Variants in CAMKMT observed in about 807,000 individuals in gnomAD.
CAMKMT encodes the protein CaM KMT.
A neutral mutation model predicts 48.0 loss-of-function variants in CAMKMT; 53 were observed. The ratio of observed to expected loss-of-function variants is 1.10; its 90% CI spans 0.89 to 1.39. CAMKMT has a LOEUF of 1.39. CAMKMT is among the 40% of genes most tolerant of loss of function. The pLI, the probability that CAMKMT is intolerant of heterozygous loss-of-function variation, is 0.00. For missense variants in CAMKMT, 428 were observed against 402.7 expected, an observed-to-expected ratio of 1.06 and a Z score of -0.54; for synonymous variants, 165 against 152.3, an observed-to-expected ratio of 1.08 and a Z score of -0.61.
At chr2:44,539,788 C>T (rs1271848753) in intron 3 of CAMKMT, among the ~76,000 whole-genome samples, 1 of 152,060 alleles carries the variant, frequency 6.6e-6, no homozygotes, top group Non-Finnish European at 1.5e-5. Context: ...GCACTTTTGG[C>T]AAGCATATTA....
intron 3 of CAMKMT, among the ~76,000 whole-genome samples, chr2:44,445,405 A>G (rs1290818263): frequency 6.6e-6 from 1 of 152,088 alleles, no homozygotes; most frequent in African/African-American, 2.4e-5. Context: ...GTAGCCATTC[A>G]TCTTCAGTTT....
chr2:44,674,995 C>G (rs762237173), intron 3 of CAMKMT, among the ~76,000 whole-genome samples: 3 of 151,810 alleles, frequency 2.0e-5, no homozygotes, highest in Admixed American at 6.6e-5. Flanking sequence ...CTTGATCCTT[C>G]TCTCTATTGC....
chr2:44,531,423 G>C (rs1369639652), intron 3 of CAMKMT, among the ~76,000 whole-genome samples: 1 of 152,098 alleles, frequency 6.6e-6, no homozygotes, highest in Non-Finnish European at 1.5e-5. Flanking sequence ...AAATCCAGCT[G>C]TTTTAAGGTT....
In CAMKMT at chr2:44,387,334, C is replaced by T. The variant is rs558355474; in HGVS notation, c.312-2907C>T. 5.3e-5 allele frequency among the ~76,000 whole-genome samples: 8 copies of T among 152,268 alleles called. 1 individual carries two copies. In the South Asian group the frequency reaches 8.3e-4, roughly 16 times the overall value. ...GTTTTGTCTGATATAAGAATAGCTACGCCTGCTAGTTTTTGGTATCCATTT... is the reference window on the plus strand; with the variant it reads ...GTTTTGTCTGATATAAGAATAGCTATGCCTGCTAGTTTTTGGTATCCATTT... On this transcript the variant is annotated intron_variant, in intron 2 of 10. Transcript: ENST00000378494.
At chr2:44,553,380 T>G (rs1040235338) in intron 3 of CAMKMT, among the ~76,000 whole-genome samples, 17 of 135,440 alleles carry the variant, frequency 1.3e-4, no homozygotes, top group South Asian at 1.2e-3. Flanking sequence ...TTTTTTTTTT[T>G]GGGACAGTCT....
intron 7 of CAMKMT, among the ~76,000 whole-genome samples, chr2:44,731,335 T>A (rs1679068729): frequency 6.6e-6 from 1 of 152,146 alleles, no homozygotes; most frequent in African/African-American, 2.4e-5. Flanking sequence ...AGCAAGACTC[T>A]GTCTCAGAAA....
rs142108925 is a variant in CAMKMT at position 44,682,556 on chromosome 2, A to G, written c.377-21727A>G. Among the ~76,000 whole-genome samples, 80 of 152,330 alleles carry G rather than the reference A, an allele frequency of 5.3e-4. 1 individual carries two copies. In the South Asian group the frequency reaches 7.2e-3, roughly 14 times the overall value. On this transcript the variant is annotated intron_variant, in intron 3 of 10. Transcript: ENST00000378494. ...ACCAATCATCTCTTCAGCTTAGCAT[A>G]TATCCTAAGGTTTGATATATCTATT...
chr2:44,660,847 G>T (rs1401086566), intron 3 of CAMKMT, among the ~76,000 whole-genome samples: 1 of 152,078 alleles, frequency 6.6e-6, no homozygotes, highest in African/African-American at 2.4e-5. Flanking sequence ...GGGTTCAAGT[G>T]ATCCTCCCAT....
At chr2:44,678,896 G>T (rs980820358) in intron 3 of CAMKMT, among the ~76,000 whole-genome samples, 2 of 151,942 alleles carry the variant, frequency 1.3e-5, no homozygotes, top group Non-Finnish European at 2.9e-5. Context: ...ATCTATCTTG[G>T]CCCAAATCCT....
chr2:44,404,685 T>C (rs1682657768), intron 3 of CAMKMT, among the ~76,000 whole-genome samples: 1 of 152,112 alleles, frequency 6.6e-6, no homozygotes, highest in South Asian at 2.1e-4. Context: ...TTTCTTTCTC[T>C]TTGTTGCCTC....
At chr2:44,616,267 C>T (rs1671882781) in intron 3 of CAMKMT, among the ~76,000 whole-genome samples, 1 of 152,168 alleles carries the variant, frequency 6.6e-6, no homozygotes, top group African/African-American at 2.4e-5. Flanking sequence ...AAGTTTGCTC[C>T]TGTCATTCCC....
rs1325459721 is a variant in CAMKMT, at chr2:44,386,432, A to G, written c.312-3809A>G. Among the ~76,000 whole-genome samples, 3 of 152,136 alleles carry G rather than the reference A, an allele frequency of 2.0e-5. No individual in the cohort carries two copies. In the East Asian group the frequency reaches 5.8e-4, roughly 29 times the overall value. On this transcript the variant is annotated intron_variant, in intron 2 of 10. Transcript: ENST00000378494. ...TCTTGGTTAATCTTGCTAATGGTCT[A>G]TCAATTTTATTTATCTTTTCAAAGA... is the stretch of plus-strand genomic sequence containing the variant.
chr2:44,766,654 T>A lies in CAMKMT; in HGVS notation c.894+93T>A, dbSNP rs929058677. Reference sequence around the variant, plus strand: ...TTGGCAGGTAACCTAAATATTTGATTAAAGTACTCCTTAGATGTGTTGCTT... The same window carrying A: ...TTGGCAGGTAACCTAAATATTTGATAAAAGTACTCCTTAGATGTGTTGCTT... On this transcript the variant is annotated intron_variant, in intron 10 of 10. Coordinates refer to ENST00000378494, the MANE Select transcript of CAMKMT (RefSeq NM_024766.5). The A allele has an allele frequency of 1.8e-5, 24 of 1,360,774 alleles. No homozygotes were observed. In the African/African-American group the frequency reaches 3.0e-4, roughly 17 times the overall value. The allele number at this position is 1,360,774 out of a possible 1,614,324, so 84.3% of individuals were successfully genotyped here. A position where few individuals can be genotyped will look rare whatever the true frequency, so the allele number is the denominator to read the frequency against.
rs1003803407 is a variant in CAMKMT at position 44,602,220 on chromosome 2, C to T, written c.377-102063C>T. On this transcript the variant is annotated intron_variant, in intron 3 of 10. Transcript: ENST00000378494. The stretch of plus-strand genomic sequence containing the variant: ...GGGGTTTCACCATGTTGCCCAGTCT[C>T]GAACTCCTGAGCTCTAGCTCCCAAA... Among the ~76,000 whole-genome samples, 4 of 151,884 alleles carry T rather than the reference C, an allele frequency of 2.6e-5. 1 individual carries two copies. The highest frequency in any genetic ancestry group is 7.3e-5 in the African/African-American group (3 of 41,310).
At chr2:44,649,900 A>G (rs1401152735) in intron 3 of CAMKMT, among the ~76,000 whole-genome samples, 2 of 152,272 alleles carry the variant, frequency 1.3e-5, no homozygotes, top group East Asian at 3.9e-4. Flanking sequence ...CTTATGTCTC[A>G]TTAGACAGAA....
At chr2:44,729,823 G>C (rs1412028584) in intron 7 of CAMKMT, among the ~76,000 whole-genome samples, 1 of 152,142 alleles carries the variant, frequency 6.6e-6, no homozygotes, top group Non-Finnish European at 1.5e-5. Context: ...CCCCTGACCA[G>C]CACCACCAGC....
intron 3 of CAMKMT, among the ~76,000 whole-genome samples, chr2:44,480,098 A>G (rs372448159): frequency 5.3e-5 from 8 of 152,310 alleles, no homozygotes; most frequent in African/African-American, 1.7e-4. Flanking sequence ...TAACATTGCC[A>G]TTCAACTTTT....
intron 3 of CAMKMT, among the ~76,000 whole-genome samples, chr2:44,458,207 C>T (rs868023458): frequency 1.9e-4 from 29 of 151,950 alleles, no homozygotes; most frequent in African/African-American, 5.8e-4. Flanking sequence ...CCATCATGCC[C>T]GGCTAATTTT....
chr2:44,620,490 C>T (rs1672119631), intron 3 of CAMKMT, among the ~76,000 whole-genome samples: 1 of 152,196 alleles, frequency 6.6e-6, no homozygotes, highest in African/African-American at 2.4e-5. Flanking sequence ...GGCACCATTA[C>T]ACATTTATGA....
Sources: allele counts gnomAD v4.1 joint callset (sites outside exome capture counted in the v4.1 genomes callset), GRCh38; gene constraint gnomAD v4.1.1; transcripts MANE v1.5; gene names NCBI Gene and HGNC (gene_info 2026-07-23, HGNC 2026-07-21).